GOLIM4: variants seen among roughly 807,000 people sequenced by gnomAD.
GOLIM4 encodes the protein golgi integral membrane protein 4.
GOLIM4 carries 71 observed loss-of-function variants against 107.4 expected under a neutral mutation model. The observed-to-expected ratio is 0.66, with a 90% CI of 0.55 to 0.81. The LOEUF (loss-of-function observed/expected upper bound fraction) is 0.81, where lower values mean the gene tolerates loss of function less well. Among genes scored for constraint, GOLIM4 ranks in the 30% least tolerant of loss-of-function variants. The pLI, the probability that GOLIM4 is intolerant of heterozygous loss-of-function variation, is 0.00. For missense variants in GOLIM4, 830 were observed against 826.1 expected, an observed-to-expected ratio of 1.00 and a Z score of -0.06; for synonymous variants, 327 against 294.8, an observed-to-expected ratio of 1.11 and a Z score of -1.12.
At chr3:168,095,075 C>G in intron 1 of GOLIM4, 24 bp downstream of exon 1, 1 of 1,577,396 alleles carries the variant, frequency 6.3e-7, no homozygotes, top group Non-Finnish European at 8.7e-7. Context: ...TGGCCACCGG[C>G]TGCGCGCGTC....
rs771975927 is a variant in GOLIM4 at position 168,011,745 on chromosome 3, T to C, written c.1861-922A>G. On this transcript the variant is annotated intron_variant, in intron 14 of 15. Transcript: ENST00000470487. ...AAGTGGGTCCCTGACCCCTTACCCC[T>C]GAGCAGCCTAACTGGGAGGCACCCC... Among the ~76,000 whole-genome samples, 83 of 132,064 alleles carry C rather than the reference T, an allele frequency of 6.3e-4. 1 individual carries two copies. The highest frequency in any genetic ancestry group is 6.4e-4 in the South Asian group (3 of 4,716). 86.6% of individuals were successfully genotyped at this position (132,064 alleles called of 152,430 possible).
chr3:168,030,804 G>C (rs755306537), intron 9 of GOLIM4, among the ~76,000 whole-genome samples: 1 of 152,072 alleles, frequency 6.6e-6, no homozygotes, highest in Non-Finnish European at 1.5e-5. Flanking sequence ...CAGTATGGAG[G>C]TTCCTCAAAA....
At chr3:168,071,626 A>G (rs187660854) in intron 1 of GOLIM4, among the ~76,000 whole-genome samples, 35 of 150,574 alleles carry the variant, frequency 2.3e-4, no homozygotes, top group Admixed American at 2.1e-3. Flanking sequence ...CAAACCAGAC[A>G]ATCTAGTAGG....
At chr3:168,014,036 A>T (rs1717218240) in intron 14 of GOLIM4, among the ~76,000 whole-genome samples, 1 of 138,082 alleles carries the variant, frequency 7.2e-6, no homozygotes, top group South Asian at 2.1e-4. Flanking sequence ...AAATAACTAA[A>T]ATCAGAGCAG....
At chr3:168,057,017 C>T (rs1427881273) in intron 1 of GOLIM4, among the ~76,000 whole-genome samples, 1 of 152,126 alleles carries the variant, frequency 6.6e-6, no homozygotes, top group Non-Finnish European at 1.5e-5. Context: ...CCACCCAAAT[C>T]TCATCTTGAA....
At chr3:168,021,087 A>T (rs987328671) in intron 14 of GOLIM4, among the ~76,000 whole-genome samples, 1 of 152,184 alleles carries the variant, frequency 6.6e-6, no homozygotes, top group African/African-American at 2.4e-5. Context: ...AATGAGCCTT[A>T]TCTGATGACA....
chr3:168,091,636 A>G (rs1402700545), intron 1 of GOLIM4, among the ~76,000 whole-genome samples: 2 of 152,232 alleles, frequency 1.3e-5, no homozygotes, highest in Non-Finnish European at 2.9e-5. Context: ...AGTAAAAGGG[A>G]TAAAGCAGCT....
intron 14 of GOLIM4, among the ~76,000 whole-genome samples, chr3:168,021,904 A>C (rs1245425129): frequency 1.3e-5 from 2 of 152,160 alleles, no homozygotes; most frequent in Non-Finnish European, 2.9e-5. Flanking sequence ...GTAATTTTAA[A>C]GCTTACACGG....
At chr3:168,086,920 G>T (rs1170516685) in intron 1 of GOLIM4, among the ~76,000 whole-genome samples, 14 of 152,274 alleles carry the variant, frequency 9.2e-5, no homozygotes, top group Admixed American at 5.2e-4. Flanking sequence ...CAGTGAAGGG[G>T]TATTATCTTG....
At chr3:168,020,410 G>A (rs777413346) in intron 14 of GOLIM4, among the ~76,000 whole-genome samples, 35 of 152,250 alleles carry the variant, frequency 2.3e-4, no homozygotes, top group Non-Finnish European at 4.1e-4. Context: ...GGTGGTGGGC[G>A]GGTGAAGGGG....
At chr3:168,071,493 TG>T (rs1560103196) in intron 1 of GOLIM4, among the ~76,000 whole-genome samples, 1 of 151,960 alleles carries the variant, frequency 6.6e-6, no homozygotes, top group Non-Finnish European at 1.5e-5. Context: ...CTGGCTGTCA[TG>T]GCAAGTTCTT....
intron 1 of GOLIM4, among the ~76,000 whole-genome samples, chr3:168,051,615 AG>A (rs1174479087): frequency 1.8e-4 from 27 of 152,366 alleles, no homozygotes; most frequent in African/African-American, 6.5e-4. Flanking sequence ...CAAATACAGG[AG>A]AAAAAAGATG....
chr3:168,035,214 G>A (rs1356903926), intron 8 of GOLIM4, among the ~76,000 whole-genome samples: 1 of 152,154 alleles, frequency 6.6e-6, no homozygotes, highest in Non-Finnish European at 1.5e-5. Flanking sequence ...TGGGAGTGCA[G>A]ATTAGTTCAA....
chr3:168,010,852 C>A (rs566785382), intron 14 of GOLIM4, 29 bp from the exon 15 acceptor site: 75 of 1,444,212 alleles, frequency 5.2e-5, no homozygotes, highest in Non-Finnish European at 6.8e-5. Context: ...ATCATTTAAA[C>A]ACTTTTGTCT....
chr3:168,052,588 T>C (rs1365560430), intron 1 of GOLIM4, among the ~76,000 whole-genome samples: 1 of 152,188 alleles, frequency 6.6e-6, no homozygotes, highest in African/African-American at 2.4e-5. Context: ...ACAGACCATA[T>C]AGAATTTCTG....
At chr3:168,038,486 T>G (rs1350546754) in intron 7 of GOLIM4, among the ~76,000 whole-genome samples, 1 of 152,202 alleles carries the variant, frequency 6.6e-6, no homozygotes, top group African/African-American at 2.4e-5. Context: ...ACTTAAGAGT[T>G]AAGCGTGATT....
intron 14 of GOLIM4, among the ~76,000 whole-genome samples, chr3:168,019,693 A>C (rs1717576696): frequency 6.6e-6 from 1 of 152,200 alleles, no homozygotes; most frequent in South Asian, 2.1e-4. Flanking sequence ...AGTTAGCATA[A>C]AAGTTTGAAT....
intron 14 of GOLIM4, among the ~76,000 whole-genome samples, chr3:168,024,122 TG>T (rs1393492750): frequency 6.6e-6 from 1 of 152,194 alleles, no homozygotes; most frequent in Non-Finnish European, 1.5e-5. Flanking sequence ...ATAGACACTA[TG>T]GGGTATTCCT....
intron 13 of GOLIM4, 49 bp downstream of exon 13, chr3:168,024,879 T>C: frequency 6.5e-7 from 1 of 1,546,014 alleles, no homozygotes; most frequent in Non-Finnish European, 8.9e-7. Context: ...ACCAGATGTT[T>C]CTTAAAATAG....
Sources: gnomAD v4.1 joint callset for allele counts (sites outside exome capture counted in the v4.1 genomes callset) on GRCh38, gnomAD v4.1.1 for gene constraint, MANE v1.5 for transcripts, NCBI Gene and HGNC (gene_info 2026-07-23, HGNC 2026-07-21) for gene names.